Variants in GALNT3 observed in about 807,000 individuals in gnomAD.
GALNT3 encodes the protein GalNAc transferase 3.
In GALNT3, 51 loss-of-function variants were observed where a neutral mutation model predicts 69.8. The ratio of observed to expected loss-of-function variants is 0.73; its 90% CI spans 0.58 to 0.92. GALNT3 has a LOEUF of 0.92. Ranked by LOEUF, GALNT3 falls within the 40% of genes least tolerant of loss-of-function variation. The pLI, the probability that GALNT3 is intolerant of heterozygous loss-of-function variation, is 0.00. For missense variants in GALNT3, 711 were observed against 760.0 expected (o/e 0.94, Z 0.76); for synonymous variants, 265 against 248.5 (o/e 1.07, Z -0.63).
intron 6 of GALNT3, among the ~76,000 whole-genome samples, chr2:165,757,634 T>G (rs1421377081): frequency 6.6e-6 from 1 of 152,126 alleles, no homozygotes; most frequent in Non-Finnish European, 1.5e-5. Context: ...TAAACTAGAG[T>G]TTCTCTTCAA....
At chr2:165,765,192 C>T (rs1688616924) in intron 2 of GALNT3, 136 bp from the exon 3 acceptor site, 1 of 783,350 alleles carries the variant, frequency 1.3e-6, no homozygotes, top group Non-Finnish European at 2.1e-6. Context: ...GATATAATCT[C>T]AATGCTATAT....
intron 1 of GALNT3, among the ~76,000 whole-genome samples, chr2:165,782,137 C>A (rs896229743): frequency 2.0e-5 from 3 of 152,132 alleles, no homozygotes; most frequent in African/African-American, 7.2e-5. Context: ...TATTTCAAAT[C>A]TTTGATAGTG....
chr2:165,759,445 AAGG>A lies in GALNT3; in HGVS notation c.961_963del (p.Pro321del). ...TTTCCACGGTTATGGTTACTTCCAT[AAGG>A]AGAAGGTTTGTTGAATTCAAACGTG... On this transcript the variant is annotated inframe_deletion, in exon 5 of 11. Coordinates refer to ENST00000392701, the MANE Select transcript of GALNT3 (RefSeq NM_004482.4). 1 of 1,614,058 alleles carries A rather than the reference AAGG, an allele frequency of 6.2e-7. No homozygotes were observed. The highest frequency in any genetic ancestry group is 8.5e-7 in the Non-Finnish European group (1 of 1,179,976).
intron 1 of GALNT3, among the ~76,000 whole-genome samples, chr2:165,792,134 G>C (rs1458678880): frequency 6.6e-6 from 1 of 152,150 alleles, no homozygotes; most frequent in Non-Finnish European, 1.5e-5. Context: ...TTTGAGTATT[G>C]AATCTCCAAA....
chr2:165,770,535 T>C lies in GALNT3; in HGVS notation c.166A>G (p.Met56Val). 1 of 1,614,160 alleles carries C rather than the reference T, an allele frequency of 6.2e-7. No individual in the cohort carries two copies. The highest frequency in any genetic ancestry group is 8.5e-7 in the Non-Finnish European group (1 of 1,180,030). The change falls in exon 2 of 11, where the codon ATG becomes GTG. Residue 56 changes from methionine to valine, a missense_variant. Coordinates refer to ENST00000392701, the MANE Select transcript of GALNT3 (RefSeq NM_004482.4). ...SKEESRMERN[M>V]KNKNKMLDLM... is the part of the protein sequence containing the mutation. ...TCCAACATCTTGTTTTTGTTTTTCA[T>C]GTTCCTTTCCATCCTTGATTCCTCT...
chr2:165,780,695 G>A (rs1012178417), intron 1 of GALNT3, among the ~76,000 whole-genome samples: 1 of 151,120 alleles, frequency 6.6e-6, no homozygotes, highest in African/African-American at 2.4e-5. Flanking sequence ...TCTAACAAAT[G>A]GACTAAGGGA....
chr2:165,753,179 CTCT>C (rs1323229320), intron 9 of GALNT3, among the ~76,000 whole-genome samples: 1 of 152,104 alleles, frequency 6.6e-6, no homozygotes, highest in Non-Finnish European at 1.5e-5. Flanking sequence ...GATAAACTGG[CTCT>C]TTTTTCCTAA....
rs538787967 is a variant in GALNT3, at chr2:165,782,611, C to T, written c.-109+11404G>A. Among the ~76,000 whole-genome samples, 3 of 152,266 alleles carry T rather than the reference C, an allele frequency of 2.0e-5. No homozygotes were observed. In the East Asian group the frequency reaches 5.8e-4, roughly 29 times the overall value. ...AGCACAGGCTAGATCTGCTGACCCC[C>T]TGGACCCACTATGAGTACAACTGGA... is the stretch of plus-strand genomic sequence containing the variant. On this transcript the variant is annotated intron_variant, in intron 1 of 10. Coordinates refer to ENST00000392701, the MANE Select transcript of GALNT3 (RefSeq NM_004482.4).
Position 165,789,964 on chromosome 2 carries a change from A to AT in GALNT3, c.-109+4050dup, listed in dbSNP as rs558932645. On this transcript the variant is annotated intron_variant, in intron 1 of 10. Coordinates refer to ENST00000392701, the MANE Select transcript of GALNT3 (RefSeq NM_004482.4). ...TGTTTTGCTTTGTTTTCAGAGGATG[A>AT]TTTTTGAATTATAGATAAGAAATGG... is the stretch of plus-strand genomic sequence containing the variant. Among the ~76,000 whole-genome samples, 8 of 152,284 alleles carry AT rather than the reference A, an allele frequency of 5.3e-5. No homozygotes were observed. The East Asian group carries it at 1.2e-3, about 22-fold the overall frequency.
intron 4 of GALNT3, among the ~76,000 whole-genome samples, chr2:165,760,318 T>C (rs970603052): frequency 6.6e-6 from 1 of 152,206 alleles, no homozygotes; most frequent in Non-Finnish European, 1.5e-5. Context: ...CATTCAAAGC[T>C]GCCCCAGACC....
At chr2:165,754,467 A>G (rs1688409886) in intron 9 of GALNT3, among the ~76,000 whole-genome samples, 160 bp downstream of exon 9, 1 of 151,390 alleles carries the variant, frequency 6.6e-6, no homozygotes, top group Non-Finnish European at 1.5e-5. Context: ...AAAACCAAAA[A>G]AAAATACTCA....
intron 4 of GALNT3, among the ~76,000 whole-genome samples, chr2:165,761,315 G>A (rs1175932630): frequency 1.3e-5 from 2 of 152,192 alleles, no homozygotes; most frequent in African/African-American, 2.4e-5. Context: ...AGGTTCAAGC[G>A]ATTCCCATTC....
intron 9 of GALNT3, among the ~76,000 whole-genome samples, chr2:165,754,407 T>C (rs1326585354): frequency 1.4e-5 from 2 of 146,032 alleles, no homozygotes; most frequent in African/African-American, 5.1e-5. Context: ...TTTTTTTTTT[T>C]TTTTTTTTTT....
At chr2:165,793,925 C>G (rs1683407304) in intron 1 of GALNT3, 90 bp downstream of exon 1, 1 of 132,554 alleles carries the variant, frequency 7.5e-6, no homozygotes, top group African/African-American at 2.6e-5. Flanking sequence ...GTAGCCCTGT[C>G]CCCAACACGT....
rs1688323193 is a variant in GALNT3, at chr2:165,749,786, G to A, written c.1735C>T (p.His579Tyr). The change falls in exon 10 of 11, where the codon CAC becomes TAC. Residue 579 changes from histidine to tyrosine, a missense_variant. His to Tyr is a moderately conservative substitution (Grantham distance 83, BLOSUM62 2). Coordinates refer to ENST00000392701, the MANE Select transcript of GALNT3 (RefSeq NM_004482.4). ...TGCTCTCCAGTGACAACTGTCTTGT[G>A]ACCTTTGTAGGTACATGCCTTCAGC... ...VQLKACTYKG[H>Y]KTVVTGEQIW... The A allele has an allele frequency of 6.2e-7, 1 of 1,613,612 alleles. No individual in the cohort carries two copies. The highest frequency in any genetic ancestry group is 8.5e-7 in the Non-Finnish European group (1 of 1,179,612).
In GALNT3 at chr2:165,775,548, T is replaced by C. The variant is rs529985160; in HGVS notation, c.-108-4740A>G. 2.0e-5 allele frequency among the ~76,000 whole-genome samples: 3 copies of C among 152,338 alleles called. No individual in the cohort carries two copies. In the East Asian group the frequency reaches 5.8e-4, roughly 29 times the overall value. ...TCCAACATTGATGGGATTTTCATTATGACTTTTCTGTACTTTGCTGTTAAT... is the reference window on the plus strand; with the variant it reads ...TCCAACATTGATGGGATTTTCATTACGACTTTTCTGTACTTTGCTGTTAAT... On this transcript the variant is annotated intron_variant, in intron 1 of 10. Coordinates refer to ENST00000392701, the MANE Select transcript of GALNT3 (RefSeq NM_004482.4).
chr2:165,793,572 T>C (rs1683398427), intron 1 of GALNT3: 1 of 152,244 alleles, frequency 6.6e-6, no homozygotes, highest in Non-Finnish European at 1.5e-5. Context: ...AGCCATGTCT[T>C]TCGCTGTCGC....
chr2:165,750,010 AT>A (rs1216819015), intron 9 of GALNT3, 116 bp from the exon 10 acceptor site: 1 of 939,890 alleles, frequency 1.1e-6, no homozygotes. Context: ...CAACAAAATA[AT>A]ACAATAAAAA....
rs568480385 is a variant in GALNT3, at chr2:165,787,139, G to A, written c.-109+6876C>T. Among the ~76,000 whole-genome samples, 4 of 152,302 alleles carry A rather than the reference G, an allele frequency of 2.6e-5. No homozygotes were observed. The South Asian group carries it at 8.3e-4, about 32-fold the overall frequency. On this transcript the variant is annotated intron_variant, in intron 1 of 10. Coordinates refer to ENST00000392701, the MANE Select transcript of GALNT3 (RefSeq NM_004482.4). Reference sequence around the variant, plus strand: ...GCCTTCACTCTAACCCATAGTTAGGGGGAAGGATGTGGTGAGACTGTTGAA... The same window carrying A: ...GCCTTCACTCTAACCCATAGTTAGGAGGAAGGATGTGGTGAGACTGTTGAA...
Sources: gnomAD v4.1 joint callset for allele counts (sites outside exome capture counted in the v4.1 genomes callset) on GRCh38, gnomAD v4.1.1 for gene constraint, MANE v1.5 for transcripts, NCBI Gene and HGNC (gene_info 2026-07-23, HGNC 2026-07-21) for gene names.